MSTN: variants seen among roughly 807,000 people sequenced by gnomAD.
MSTN encodes the protein myostatin.
In MSTN, 12 loss-of-function variants were observed where a neutral mutation model predicts 32.3. The ratio of observed to expected loss-of-function variants is 0.37; its 90% CI spans 0.24 to 0.60. The LOEUF (loss-of-function observed/expected upper bound fraction) is 0.60. Among genes scored for constraint, MSTN ranks in the 20% least tolerant of loss-of-function variants. The pLI is 0.67. For synonymous variants in MSTN, 168 were observed against 155.1 expected (o/e 1.08, Z -0.62); for missense variants, 403 against 450.3 (o/e 0.89, Z 0.95).
At chr2:190,059,744 AATAC>A (rs1418367289) in intron 2 of MSTN, among the ~76,000 whole-genome samples, 1 of 151,986 alleles carries the variant, frequency 6.6e-6, no homozygotes, top group African/African-American at 2.4e-5. Flanking sequence ...TTAATATTTT[AATAC>A]ATACAGTCAT....
intron 2 of MSTN, 95 bp from the exon 3 acceptor site, chr2:190,057,733 T>C (rs909291241): frequency 1.7e-5 from 23 of 1,362,956 alleles, no homozygotes; most frequent in East Asian, 2.3e-5. Flanking sequence ...AATAAACTAA[T>C]AATTTTGCTC....
chr2:190,060,903 T>C (rs1685575602), intron 1 of MSTN, among the ~76,000 whole-genome samples: 1 of 151,976 alleles, frequency 6.6e-6, no homozygotes, highest in Admixed American at 6.6e-5. Flanking sequence ...CTGAGCAACT[T>C]ACTGAGCCTC....
At position 190,062,690 on chromosome 2, in the gene MSTN, A is replaced by G. The variant is rs779630329; in HGVS notation, c.-94T>C. The G allele has an allele frequency of 3.4e-4, 415 of 1,229,828 alleles. 1 individual carries two copies. The highest frequency in any genetic ancestry group is 4.5e-4 in the Non-Finnish European group (393 of 872,900). 76.2% of individuals were successfully genotyped at this position (1,229,828 alleles called of 1,614,324 possible). ...GTAATGCCAAGCAAAATTTTAATGC[A>G]TGTACAGTCTGAGAGACAACTTGCC... is the stretch of plus-strand genomic sequence containing the variant. On this transcript the variant is annotated 5_prime_UTR_variant, in exon 1 of 3. It removes an upstream start codon present in the reference 5' UTR. Transcript: ENST00000260950.
Position 190,060,585 on chromosome 2 carries a change from A to C in MSTN, c.374-150T>G, listed in dbSNP as rs1466567932. 2.1e-5 allele frequency: 15 copies of C among 702,148 alleles called. No homozygotes were observed. The East Asian group carries it at 4.2e-4, about 20-fold the overall frequency. 43.5% of individuals were successfully genotyped at this position (702,148 alleles called of 1,614,324 possible). On this transcript the variant is annotated intron_variant, in intron 1 of 2. Transcript: ENST00000260950. ...AATACCGTGTGGAACTTTATAACTC[A>C]AAAAAATGTCAAAGAAAATAATTAC...
chr2:190,056,085 A>G lies in MSTN; in HGVS notation c.*1173T>C, dbSNP rs1685418825. On this transcript the variant is annotated 3_prime_UTR_variant, in exon 3 of 3. Coordinates refer to ENST00000260950, the MANE Select transcript of MSTN (RefSeq NM_005259.3). ...GTGAATGTTAATCATGTAAAAAAAT[A>G]TAAAATGATTGTAATATAACCATCT... is the stretch of plus-strand genomic sequence containing the variant. 6.6e-6 allele frequency: 1 copy of G among 152,386 alleles called. No individual in the cohort carries two copies. Among genetic ancestry groups the G allele is most frequent in the African/African-American group, 2.4e-5 (1 of 41,404 alleles). The allele number at this position is 152,386 out of a possible 1,614,324, so 9.4% of individuals were successfully genotyped here.
intron 2 of MSTN, among the ~76,000 whole-genome samples, chr2:190,058,592 A>G (rs1575556193): frequency 6.6e-6 from 1 of 152,018 alleles, no homozygotes; most frequent in South Asian, 2.1e-4. Flanking sequence ...TTGTAAAGAT[A>G]TGGAACCAGC....
chr2:190,059,939 G>T, intron 2 of MSTN, 123 bp downstream of exon 2: 1 of 964,888 alleles, frequency 1.0e-6, no homozygotes, highest in Non-Finnish European at 1.6e-6. Flanking sequence ...GCTACCGTTG[G>T]GGTAAGATAC....
rs772465821 is a variant in MSTN at position 190,062,633 on chromosome 2, G to A, written c.-37C>T. On this transcript the variant is annotated 5_prime_UTR_variant, in exon 1 of 3. Transcript: ENST00000260950. ...CAATATAATCTTTTTTCTTGTTCTT[G>A]TTTCTTCCTTTTACTTTTCTTTTGC... The A allele has an allele frequency of 1.2e-5, 19 of 1,596,248 alleles. No individual in the cohort carries two copies. Among genetic ancestry groups the A allele is most frequent in the Non-Finnish European group, 1.6e-5 (19 of 1,170,610 alleles).
intron 2 of MSTN, among the ~76,000 whole-genome samples, chr2:190,058,534 G>C (rs1237135482): frequency 6.6e-6 from 1 of 151,956 alleles, no homozygotes; most frequent in Middle Eastern, 3.4e-3. Context: ...AAATTGTATA[G>C]TCTTTTAGAC....
intron 1 of MSTN, among the ~76,000 whole-genome samples, chr2:190,060,841 C>T (rs1346148653): frequency 1.3e-5 from 2 of 151,992 alleles, no homozygotes; most frequent in East Asian, 3.9e-4. Flanking sequence ...ACCAATCAGT[C>T]TGGAAGAAGG....
intron 1 of MSTN, 65 bp downstream of exon 1, chr2:190,062,159 G>C (rs1186639718): frequency 6.3e-7 from 1 of 1,576,614 alleles, no homozygotes; most frequent in African/African-American, 1.4e-5. Flanking sequence ...AAATAGATCT[G>C]TTTCTCATAA....
intron 1 of MSTN, among the ~76,000 whole-genome samples, chr2:190,061,742 TGA>T (rs1336154090): frequency 6.6e-6 from 1 of 152,030 alleles, no homozygotes. Context: ...AAAAAATTAC[TGA>T]GAGAGTTTCA....
At chr2:190,058,916 A>G (rs1366974758) in intron 2 of MSTN, among the ~76,000 whole-genome samples, 1 of 151,932 alleles carries the variant, frequency 6.6e-6, no homozygotes, top group East Asian at 1.9e-4. Context: ...CTAAAACCTC[A>G]GACTTCACCA....
rs1685620568 is a variant in MSTN at position 190,062,356 on chromosome 2, A to C, written c.241T>G (p.Leu81Val). The change falls in exon 1 of 3, where the codon TTA (leucine) becomes GTA (valine). Residue 81 changes from leucine (L) to valine (V), a missense_variant. Physicochemically the swap from Leu to Val is conservative, Grantham distance 32. Coordinates refer to ENST00000260950, the MANE Select transcript of MSTN (RefSeq NM_005259.3). ...TCCCGGAGTGGAGGAGCTTTGGGTA[A>C]AAGTTGTCTTATAACATCTTTGCTG... is the stretch of plus-strand genomic sequence containing the variant. ...NISKDVIRQL[L>V]PKAPPLRELI... The C allele has an allele frequency of 2.5e-6, 4 of 1,613,412 alleles. No homozygotes were observed. The African/African-American group carries it at 4.0e-5, about 16-fold the overall frequency.
chr2:190,061,510 C>G (rs16832292), intron 1 of MSTN, among the ~76,000 whole-genome samples: 10,385 of 151,840 alleles, frequency 0.068, 858 homozygotes, highest in African/African-American at 0.2. Context: ...ACTGGGTACT[C>G]TCAATAATAG....
intron 1 of MSTN, among the ~76,000 whole-genome samples, chr2:190,061,648 CT>C (rs1175892927): frequency 6.6e-6 from 1 of 151,920 alleles, no homozygotes; most frequent in Non-Finnish European, 1.5e-5. Context: ...CATTATTGTT[CT>C]TACTAACACA....
At chr2:190,062,114 A>T in intron 1 of MSTN, 110 bp downstream of exon 1, 2 of 1,145,398 alleles carry the variant, frequency 1.7e-6, no homozygotes, top group Non-Finnish European at 2.5e-6. Flanking sequence ...CTTTCTACTT[A>T]CATACAGGCC....
In MSTN at chr2:190,062,199, G is replaced by C. The variant is rs754729728; in HGVS notation, c.373+25C>G. On this transcript the variant is annotated intron_variant, in intron 1 of 2. Transcript: ENST00000260950. ...TAGAACAACAGTCAGCAGAACTGTT[G>C]ATATACACTAATAGGACTACTTACA... 3.7e-6 allele frequency: 6 copies of C among 1,611,266 alleles called. No individual in the cohort carries two copies. The South Asian group carries it at 5.5e-5, about 15-fold the overall frequency.
chr2:190,059,788 T>G (rs1306282502), intron 2 of MSTN, among the ~76,000 whole-genome samples: 1 of 151,926 alleles, frequency 6.6e-6, no homozygotes, highest in Non-Finnish European at 1.5e-5. Flanking sequence ...CACTTTATAT[T>G]TCATTCCCAA....
Sources: allele counts gnomAD v4.1 joint callset (sites outside exome capture counted in the v4.1 genomes callset), GRCh38; gene constraint gnomAD v4.1.1; transcripts MANE v1.5; gene names NCBI Gene and HGNC (gene_info 2026-07-23, HGNC 2026-07-21).